TRABD2B: variants seen among roughly 807,000 people sequenced by gnomAD.
The protein encoded by TRABD2B is TraB domain containing 2B, also known as metalloprotease TIKI2.
TRABD2B carries 14 observed loss-of-function variants against 40.1 expected under a neutral mutation model. The observed-to-expected ratio is 0.35, with a 90% CI of 0.23 to 0.55. The LOEUF is 0.55. Ranked by LOEUF, TRABD2B falls within the 20% of genes least tolerant of loss-of-function variation. The pLI is 0.90. For synonymous variants in TRABD2B, 263 were observed against 277.0 expected (o/e 0.95, Z 0.50); for missense variants, 541 against 648.6 (o/e 0.83, Z 1.80).
intron 2 of TRABD2B, among the ~76,000 whole-genome samples, chr1:47,964,089 C>T (rs2148410357): frequency 6.6e-6 from 1 of 152,304 alleles, no homozygotes. Context: ...CTTAAACAAA[C>T]CCTGGTGAAA....
At chr1:47,930,677 A>T (rs915140132) in intron 2 of TRABD2B, among the ~76,000 whole-genome samples, 2 of 152,082 alleles carry the variant, frequency 1.3e-5, no homozygotes, top group South Asian at 4.2e-4. Context: ...CTCTTCAAGG[A>T]TCCCTTATCC....
At chr1:47,902,135 T>C (rs1275723771) in intron 2 of TRABD2B, among the ~76,000 whole-genome samples, 3 of 152,326 alleles carry the variant, frequency 2.0e-5, no homozygotes, top group African/African-American at 7.2e-5. Context: ...TCTTCCCTGG[T>C]TGGCCCTGAC....
intron 2 of TRABD2B, among the ~76,000 whole-genome samples, chr1:47,809,240 AT>A (rs1023956769): frequency 6.6e-6 from 1 of 152,200 alleles, no homozygotes; most frequent in African/African-American, 2.4e-5. Context: ...TCCCCATTTT[AT>A]TACTAACACT....
intron 2 of TRABD2B, among the ~76,000 whole-genome samples, chr1:47,899,299 C>T (rs920895011): frequency 5.3e-5 from 8 of 152,224 alleles, no homozygotes; most frequent in African/African-American, 1.9e-4. Flanking sequence ...AAGGCCCAGG[C>T]CCTGTTCTCT....
rs1380108553 is a variant in TRABD2B at position 47,994,081 on chromosome 1, C to T, written c.619G>A (p.Val207Met). ...MKKTTGAVEQ[V>M]EEQCHPLNNG... ...TTGAGGGGATGGCACTGCTCCTCCA[C>T]CTGCTCCACAGCCCCTGTGGTCTTC... is the stretch of plus-strand genomic sequence containing the variant. The change falls in exon 2 of 7, where the codon GTG becomes ATG. Residue 207 changes from valine to methionine, a missense_variant. This residue lies in a region of TRABD2B where 369 missense variants were observed against 492.8 expected (regional missense o/e 0.75). Coordinates refer to ENST00000606738, the MANE Select transcript of TRABD2B (RefSeq NM_001194986.2). This position sits in a 1 kb window ranked among gnomAD's most constrained non-coding sequence, Gnocchi z 6.7. 6.5e-7 allele frequency: 1 copy of T among 1,536,232 alleles called. No individual in the cohort carries two copies. The highest frequency in any genetic ancestry group is 8.7e-7 in the Non-Finnish European group (1 of 1,146,932).
intron 2 of TRABD2B, among the ~76,000 whole-genome samples, chr1:47,886,975 C>A (rs753649017): frequency 1.3e-5 from 2 of 150,922 alleles, no homozygotes; most frequent in Non-Finnish European, 3.0e-5. Context: ...AGTGGGGTGG[C>A]GCAGAGAAAG....
chr1:47,807,714 T>C (rs970997910), intron 2 of TRABD2B, among the ~76,000 whole-genome samples: 1 of 152,192 alleles, frequency 6.6e-6, no homozygotes, highest in Non-Finnish European at 1.5e-5. Flanking sequence ...ATAAGATATA[T>C]TGACTTATAG....
chr1:47,815,820 GATAGATAGATAGATAGATAGATAGATAGA>G (rs1645023671), intron 2 of TRABD2B, among the ~76,000 whole-genome samples: 1 of 77,594 alleles, frequency 1.3e-5, no homozygotes, highest in Admixed American at 1.1e-4. Context: ...TAGATAGATA[GATAGATAGATAGATAGATAGATAGATAGA>G]TAGAAATAGA....
intron 4 of TRABD2B, among the ~76,000 whole-genome samples, chr1:47,783,431 G>A (rs1277691667): frequency 1.3e-5 from 2 of 152,204 alleles, no homozygotes; most frequent in Admixed American, 6.5e-5. Context: ...GAAGGCTTCC[G>A]AGAGGAGGGG....
At chr1:47,826,823 T>C (rs1570058163) in intron 2 of TRABD2B, among the ~76,000 whole-genome samples, 1 of 152,210 alleles carries the variant, frequency 6.6e-6, no homozygotes, top group African/African-American at 2.4e-5. Flanking sequence ...TCCTCCCTCC[T>C]TGGCCTCCCA....
chr1:47,897,699 A>C (rs1304240449), intron 2 of TRABD2B, among the ~76,000 whole-genome samples: 1 of 152,052 alleles, frequency 6.6e-6, no homozygotes, highest in Non-Finnish European at 1.5e-5. Context: ...CATTTGCACC[A>C]CACAGGTGTA....
At chr1:47,836,785 C>A (rs1645324847) in intron 2 of TRABD2B, among the ~76,000 whole-genome samples, 1 of 152,170 alleles carries the variant, frequency 6.6e-6, no homozygotes, top group South Asian at 2.1e-4. Context: ...CCAGAGAGGT[C>A]CTTTGCCCCT....
chr1:47,915,351 T>C (rs1023640636), intron 2 of TRABD2B, among the ~76,000 whole-genome samples: 9 of 152,172 alleles, frequency 5.9e-5, no homozygotes, highest in African/African-American at 2.2e-4. Context: ...TTGCTGAAGT[T>C]CACGCAGTCT....
At chr1:47,946,714 C>T (rs766829333) in intron 2 of TRABD2B, among the ~76,000 whole-genome samples, 79 of 152,050 alleles carry the variant, frequency 5.2e-4, no homozygotes, top group Non-Finnish European at 9.4e-4. Context: ...AATTTCTTGG[C>T]CTTGTTTTGG....
At chr1:47,860,418 A>G (rs1643950091) in intron 2 of TRABD2B, among the ~76,000 whole-genome samples, 1 of 152,058 alleles carries the variant, frequency 6.6e-6, no homozygotes, top group Non-Finnish European at 1.5e-5. Flanking sequence ...TTGTCTCTTA[A>G]TGAGTGTCTC....
intron 2 of TRABD2B, among the ~76,000 whole-genome samples, chr1:47,968,112 AG>A (rs1438062002): frequency 2.6e-5 from 4 of 152,256 alleles, no homozygotes; most frequent in African/African-American, 7.2e-5. Flanking sequence ...TAGGCAAGAA[AG>A]TATTACCTAC....
rs187404372 is a variant in TRABD2B at position 47,795,628 on chromosome 1, G to T, written c.814-868C>A. 2.2e-4 allele frequency: 219 copies of T among 983,142 alleles called. No homozygotes were observed. In the Middle Eastern group the frequency reaches 4.2e-3, roughly 19 times the overall value. 60.9% of individuals were successfully genotyped at this position (983,142 alleles called of 1,614,324 possible). ...TAAGATGAAACTGATGATATTGTGG[G>T]GATTCAATAAGAGGATGGGGGCTGT... On this transcript the variant is annotated intron_variant, in intron 3 of 6. Transcript: ENST00000606738.
At chr1:47,887,594 G>A (rs543289445) in intron 2 of TRABD2B, among the ~76,000 whole-genome samples, 38 of 151,912 alleles carry the variant, frequency 2.5e-4, no homozygotes, top group Non-Finnish European at 4.9e-4. Flanking sequence ...CGGGGGGTGG[G>A]TGATTACATG....
At chr1:47,829,441 A>G (rs1172285931) in intron 2 of TRABD2B, among the ~76,000 whole-genome samples, 1 of 151,392 alleles carries the variant, frequency 6.6e-6, no homozygotes, top group Non-Finnish European at 1.5e-5. Flanking sequence ...CTGGCATATC[A>G]CTCCTGTGCG....
Sources: allele counts gnomAD v4.1 joint callset (sites outside exome capture counted in the v4.1 genomes callset), GRCh38; gene constraint gnomAD v4.1.1; regional missense constraint gnomAD v4.1.1; non-coding constraint Gnocchi (gnomAD v3.1); transcripts MANE v1.5; gene names NCBI Gene and HGNC (gene_info 2026-07-23, HGNC 2026-07-21).